The following GPC6 variants were observed in gnomAD, a reference collection of about 807,000 sequenced individuals.
GPC6 encodes glypican 6, also known as glypican-6.
GPC6 carries 14 observed loss-of-function variants against 55.2 expected under a neutral mutation model. That is an observed-to-expected ratio of 0.25 (90% CI 0.17 to 0.40). GPC6 has a LOEUF of 0.40. Ranked by LOEUF, GPC6 falls within the 10% of genes least tolerant of loss-of-function variation. The pLI is 1.00. For missense variants in GPC6, 641 were observed against 708.5 expected (o/e 0.90, Z 1.08); for synonymous variants, 278 against 259.6 (o/e 1.07, Z -0.68).
At chr13:93,611,688 T>G (rs1180467743) in intron 2 of GPC6, among the ~76,000 whole-genome samples, 1 of 152,172 alleles carries the variant, frequency 6.6e-6, no homozygotes, top group Non-Finnish European at 1.5e-5. Context: ...TACTTTTGCT[T>G]TAAGAGGCTT....
intron 4 of GPC6, among the ~76,000 whole-genome samples, chr13:94,039,487 T>G (rs1883456308): frequency 6.6e-6 from 1 of 151,762 alleles, no homozygotes. Flanking sequence ...AAAAAATACA[T>G]CAGATATGAC....
chr13:93,732,923 TG>T lies in GPC6; in HGVS notation c.320-97230del, dbSNP rs200501130. ...AAATTATTAATGAAATATTTTACGT[TG>T]TTTTTTTTCTGTACCAGTCTTTGAA... On this transcript the variant is annotated intron_variant, in intron 2 of 8. Transcript: ENST00000377047. Among the ~76,000 whole-genome samples the T allele has an allele frequency of 8.3e-3, 1,257 of 152,266 alleles. 15 individuals are homozygous for T. Among genetic ancestry groups the T allele is most frequent in the African/African-American group, 0.028 (1,184 of 41,564 alleles).
chr13:94,197,036 T>C (rs1404165359), intron 4 of GPC6, among the ~76,000 whole-genome samples: 1 of 152,068 alleles, frequency 6.6e-6, no homozygotes, highest in Non-Finnish European at 1.5e-5. Flanking sequence ...AAATGTGGGT[T>C]TTTTTTAACA....
chr13:93,511,919 TTTTG>T (rs1288466606), intron 1 of GPC6, among the ~76,000 whole-genome samples: 1 of 152,130 alleles, frequency 6.6e-6, no homozygotes, highest in African/African-American at 2.4e-5. Context: ...TTTGGGGTTT[TTTTG>T]TTTGTTTGTT....
At chr13:93,839,770 C>G (rs1887881858) in intron 3 of GPC6, among the ~76,000 whole-genome samples, 1 of 152,052 alleles carries the variant, frequency 6.6e-6, no homozygotes, top group Non-Finnish European at 1.5e-5. Context: ...GTTTCTGAGC[C>G]AAGATCTTGC....
At chr13:93,965,138 G>A (rs1879980813) in intron 3 of GPC6, among the ~76,000 whole-genome samples, 1 of 135,930 alleles carries the variant, frequency 7.4e-6, no homozygotes, top group Non-Finnish European at 1.5e-5. Context: ...TTTTTAGCAA[G>A]GGAAGTTTGG....
At chr13:94,034,601 C>T (rs1223610529) in intron 4 of GPC6, among the ~76,000 whole-genome samples, 2 of 151,996 alleles carry the variant, frequency 1.3e-5, no homozygotes, top group East Asian at 1.9e-4. Flanking sequence ...ATAGGCAAGT[C>T]GTCATTCTAG....
At chr13:93,912,572 T>C (rs1290893150) in intron 3 of GPC6, among the ~76,000 whole-genome samples, 2 of 151,926 alleles carry the variant, frequency 1.3e-5, no homozygotes, top group Admixed American at 6.6e-5. Context: ...TGAAACCCCA[T>C]CTCTACTAAA....
chr13:93,285,936 A>G (rs1200424121), intron 1 of GPC6, among the ~76,000 whole-genome samples: 2 of 152,196 alleles, frequency 1.3e-5, no homozygotes, highest in African/African-American at 4.8e-5. Context: ...AGGCATATTT[A>G]AAGGTATTAG....
rs142487151 is a variant in GPC6, at chr13:94,017,967, A to G, written c.712-9762A>G. Reference sequence around the variant, plus strand: ...GCTACAATTTTCAATACAGTGTTAAACAGCAGTGATGAAAGCAAGCTTCCT... The same window carrying G: ...GCTACAATTTTCAATACAGTGTTAAGCAGCAGTGATGAAAGCAAGCTTCCT... On this transcript the variant is annotated intron_variant, in intron 3 of 8. Transcript: ENST00000377047. Among the ~76,000 whole-genome samples the G allele has an allele frequency of 9.4e-3, 1,426 of 152,240 alleles. 9 individuals are homozygous for G. Among genetic ancestry groups the G allele is most frequent in the Non-Finnish European group, 0.015 (1,039 of 68,004 alleles).
intron 2 of GPC6, among the ~76,000 whole-genome samples, chr13:93,603,370 G>C (rs896275515): frequency 6.6e-6 from 1 of 152,124 alleles, no homozygotes; most frequent in African/African-American, 2.4e-5. Context: ...TTTCAGACAT[G>C]CATGTATATA....
intron 4 of GPC6, among the ~76,000 whole-genome samples, chr13:94,266,179 T>G (rs1891802097): frequency 6.6e-6 from 1 of 151,876 alleles, no homozygotes; most frequent in African/African-American, 2.4e-5. Context: ...TTTGTTTGTT[T>G]GTTTTTTGAG....
chr13:93,561,432 G>A (rs1875799461), intron 2 of GPC6, among the ~76,000 whole-genome samples: 1 of 86,200 alleles, frequency 1.2e-5, no homozygotes, highest in Admixed American at 9.4e-5. Flanking sequence ...TATATTTGTT[G>A]CAGTTCTTAT....
intron 1 of GPC6, among the ~76,000 whole-genome samples, chr13:93,377,194 G>A (rs974245705): frequency 6.6e-6 from 1 of 152,126 alleles, no homozygotes; most frequent in Admixed American, 6.5e-5. Context: ...TCATGCTTAG[G>A]GTAAAGATGG....
rs143478264 is a variant in GPC6 at position 94,168,942 on chromosome 13, G to A, written c.878-117407G>A. On this transcript the variant is annotated intron_variant, in intron 4 of 8. Coordinates refer to ENST00000377047, the MANE Select transcript of GPC6 (RefSeq NM_005708.5). Reference sequence around the variant, plus strand: ...GGTAAAATAATGCAAAGTTAATGCCGGAAGGCATTACCCTCCGTGGGCGTG... The same window carrying A: ...GGTAAAATAATGCAAAGTTAATGCCAGAAGGCATTACCCTCCGTGGGCGTG... Among the ~76,000 whole-genome samples the A allele has an allele frequency of 3.0e-4, 46 of 152,144 alleles. No individual in the cohort carries two copies. The East Asian group carries it at 8.3e-3, about 28-fold the overall frequency.
intron 1 of GPC6, chr13:93,395,004 G>T: frequency 4.4e-6 from 1 of 228,722 alleles, no homozygotes. Flanking sequence ...ACTGTCACAG[G>T]GGCACAGCTT....
chr13:93,731,743 G>T (rs1883829060), intron 2 of GPC6, among the ~76,000 whole-genome samples: 1 of 152,016 alleles, frequency 6.6e-6, no homozygotes, highest in African/African-American at 2.4e-5. Context: ...TACAAATATG[G>T]AATATTCACA....
intron 2 of GPC6, among the ~76,000 whole-genome samples, chr13:93,605,788 G>C (rs1472735619): frequency 2.7e-5 from 4 of 148,580 alleles, no homozygotes; most frequent in East Asian, 2.0e-4. Context: ...GTTGGAGTGA[G>C]CTGAGATCGT....
intron 3 of GPC6, among the ~76,000 whole-genome samples, chr13:93,883,541 T>G (rs1056895414): frequency 6.6e-6 from 1 of 151,970 alleles, no homozygotes; most frequent in East Asian, 2.0e-4. Flanking sequence ...AATTTGCATT[T>G]CTCTAATCAT....
Sources: allele counts gnomAD v4.1 joint callset (sites outside exome capture counted in the v4.1 genomes callset), GRCh38; gene constraint gnomAD v4.1.1; transcripts MANE v1.5; gene names NCBI Gene and HGNC (gene_info 2026-07-23, HGNC 2026-07-21).